Variants in IFNAR2 observed in about 807,000 individuals in gnomAD.
IFNAR2 encodes interferon alpha/beta receptor 2.
Under a neutral mutation model 49.4 loss-of-function variants are expected in IFNAR2, and 30 were observed. The observed-to-expected ratio is 0.61, with a 90% confidence interval of 0.45 to 0.82. The LOEUF (loss-of-function observed/expected upper bound fraction) is 0.82. Ranked by LOEUF, IFNAR2 falls within the 40% of genes least tolerant of loss-of-function variation. IFNAR2 has a pLI of 0.00. For synonymous variants in IFNAR2, 224 were observed against 234.5 expected (o/e 0.96, Z 0.41); for missense variants, 600 against 622.7 (o/e 0.96, Z 0.39).
At chr21:33,236,898 T>C (rs2123451694) in intron 1 of IFNAR2, 1 of 984,876 alleles carries the variant, frequency 1.0e-6, no homozygotes, top group East Asian at 1.1e-4. Flanking sequence ...AAGACTGATC[T>C]ATTTGTAGTC....
chr21:33,253,343 G>C (rs1223053392), intron 7 of IFNAR2, among the ~76,000 whole-genome samples: 2 of 152,220 alleles, frequency 1.3e-5, no homozygotes, highest in African/African-American at 4.8e-5. Context: ...ACAGACATCA[G>C]AACAATAAAC....
At chr21:33,242,458 C>T (rs1045877163) in intron 2 of IFNAR2, among the ~76,000 whole-genome samples, 1 of 152,110 alleles carries the variant, frequency 6.6e-6, no homozygotes, top group Non-Finnish European at 1.5e-5. Flanking sequence ...TGTGTCCGGG[C>T]GCGGTGGCTC....
intron 5 of IFNAR2, among the ~76,000 whole-genome samples, chr21:33,247,207 G>A (rs890250563): frequency 4.6e-5 from 7 of 150,748 alleles, no homozygotes; most frequent in African/African-American, 1.2e-4. Flanking sequence ...TGGATCTAGC[G>A]CTCTCATCTC....
chr21:33,259,056 A>G (rs1412390448), intron 7 of IFNAR2, among the ~76,000 whole-genome samples: 2 of 152,108 alleles, frequency 1.3e-5, no homozygotes, highest in Non-Finnish European at 2.9e-5. Flanking sequence ...TATCTTTTCC[A>G]TTAAAGATCA....
chr21:33,260,694 T>C lies in IFNAR2; in HGVS notation c.807T>C (p.Tyr269=). ...STIVTLKWIG[Y]ICLRNSLPKV... ...TAGTGACACTGAAATGGATTGGTTA[T>C]ATATGCTTAAGAAATAGCCTCCCCA... Residue 269 remains tyrosine, a synonymous_variant, in exon 8 of 9, where the codon TAT becomes TAC. Coordinates refer to ENST00000342136, the MANE Select transcript of IFNAR2 (RefSeq NM_001289125.3). 6.4e-7 allele frequency: 1 copy of C among 1,573,468 alleles called. No individual in the cohort carries two copies. The highest frequency in any genetic ancestry group is 1.7e-4 in the Middle Eastern group (1 of 5,978).
chr21:33,258,560 T>G (rs1336980086), intron 7 of IFNAR2, among the ~76,000 whole-genome samples: 2 of 152,110 alleles, frequency 1.3e-5, no homozygotes, highest in Non-Finnish European at 2.9e-5. Flanking sequence ...TATAATATAT[T>G]TATATTGTTT....
chr21:33,259,456 G>A (rs562069850), intron 7 of IFNAR2, among the ~76,000 whole-genome samples: 1 of 152,190 alleles, frequency 6.6e-6, no homozygotes, highest in South Asian at 2.1e-4. Flanking sequence ...AGAATTCTCA[G>A]ACTCATGAGA....
chr21:33,232,757 G>A (rs1986157026), intron 1 of IFNAR2, among the ~76,000 whole-genome samples: 1 of 152,044 alleles, frequency 6.6e-6, no homozygotes, highest in African/African-American at 2.4e-5. Flanking sequence ...TGAGTGAGAT[G>A]GGGGAAGGTT....
intron 1 of IFNAR2, among the ~76,000 whole-genome samples, chr21:33,237,356 GC>G (rs1986557916): frequency 6.7e-6 from 1 of 149,640 alleles, no homozygotes; most frequent in South Asian, 2.1e-4. Context: ...ACATAGCAAA[GC>G]CCCATCTCTA....
chr21:33,240,775 AC>A (rs1410011961), intron 1 of IFNAR2, among the ~76,000 whole-genome samples: 2 of 56,062 alleles, frequency 3.6e-5, no homozygotes, highest in Non-Finnish European at 7.6e-5. Context: ...TGATTGCACC[AC>A]TGGCACTCCA....
chr21:33,241,397 G>A (rs1356432578), intron 1 of IFNAR2, among the ~76,000 whole-genome samples: 1 of 152,150 alleles, frequency 6.6e-6, no homozygotes, highest in Non-Finnish European at 1.5e-5. Context: ...ATAAATAATG[G>A]TGTGTCTATA....
At chr21:33,255,990 A>G (rs1988182510) in intron 7 of IFNAR2, among the ~76,000 whole-genome samples, 1 of 152,152 alleles carries the variant, frequency 6.6e-6, no homozygotes. Context: ...CTGGATATAT[A>G]TGTATATTTT....
In IFNAR2 at chr21:33,252,492, TGTA is replaced by T. The variant is rs1987924325; in HGVS notation, c.541-167_541-165del. On this transcript the variant is annotated intron_variant, in intron 6 of 8. Coordinates refer to ENST00000342136, the MANE Select transcript of IFNAR2 (RefSeq NM_001289125.3). ...GGTGTATATTAAAAGTGCATGTAGG[TGTA>T]GTTTTCTGATAAATTACTTGCTCCA... The T allele has an allele frequency of 5.1e-6, 5 of 985,254 alleles. No homozygotes were observed. In the South Asian group the frequency reaches 2.3e-4, roughly 46 times the overall value. 61.0% of individuals were successfully genotyped at this position (985,254 alleles called of 1,614,324 possible).
At chr21:33,246,610 G>A in intron 4 of IFNAR2, 108 bp from the exon 5 acceptor site, 1 of 753,472 alleles carries the variant, frequency 1.3e-6, no homozygotes, top group Non-Finnish European at 2.1e-6. Flanking sequence ...TTAATACAAT[G>A]ATATTTGGGC....
intron 1 of IFNAR2, among the ~76,000 whole-genome samples, chr21:33,232,256 G>A (rs1986116156): frequency 6.6e-6 from 1 of 152,176 alleles, no homozygotes; most frequent in Non-Finnish European, 1.5e-5. Flanking sequence ...GGCCCTGAGG[G>A]TCCTTCTTCT....
intron 1 of IFNAR2, among the ~76,000 whole-genome samples, chr21:33,240,841 T>A (rs1364384680): frequency 1.4e-5 from 2 of 144,192 alleles, no homozygotes; most frequent in Non-Finnish European, 3.1e-5. Flanking sequence ...TACATATATA[T>A]ACACACAGTA....
intron 2 of IFNAR2, 65 bp downstream of exon 2, chr21:33,242,042 A>G: frequency 6.7e-7 from 1 of 1,501,430 alleles, no homozygotes. Flanking sequence ...CACTGAGAGC[A>G]CTGGCAGGAA....
chr21:33,259,740 A>G (rs1988441109), intron 7 of IFNAR2, among the ~76,000 whole-genome samples: 2 of 152,228 alleles, frequency 1.3e-5, no homozygotes, highest in South Asian at 2.1e-4. Context: ...TGACAATCCA[A>G]TCCTTCACAC....
At chr21:33,260,923 A>G (rs1470604349) in intron 8 of IFNAR2, among the ~76,000 whole-genome samples, 196 bp downstream of exon 8, 1 of 148,206 alleles carries the variant, frequency 6.7e-6, no homozygotes, top group Non-Finnish European at 1.5e-5. Flanking sequence ...TTTTGTTTTT[A>G]TTATACTTTT....
Sources: gnomAD v4.1 joint callset for allele counts (sites outside exome capture counted in the v4.1 genomes callset) on GRCh38, gnomAD v4.1.1 for gene constraint, MANE v1.5 for transcripts, NCBI Gene and HGNC (gene_info 2026-07-23, HGNC 2026-07-21) for gene names.